The following STK38 variants were observed in gnomAD, a reference collection of about 807,000 sequenced individuals.
STK38 encodes serine/threonine kinase 38.
Under a neutral mutation model 59.0 loss-of-function variants are expected in STK38, and 26 were observed. The observed-to-expected ratio is 0.44, with a 90% CI of 0.32 to 0.61. The LOEUF (loss-of-function observed/expected upper bound fraction) is 0.61. Among genes scored for constraint, STK38 ranks in the 20% least tolerant of loss-of-function variants. The pLI is 0.04. For missense variants in STK38, 433 were observed against 566.0 expected (o/e 0.76, Z 2.38); for synonymous variants, 175 against 176.6 (o/e 0.99, Z 0.07).
chr6:36,530,335 C>G (rs1777635512), intron 2 of STK38, among the ~76,000 whole-genome samples: 1 of 151,870 alleles, frequency 6.6e-6, no homozygotes, highest in African/African-American at 2.4e-5. Flanking sequence ...GTGATTACAT[C>G]TCCATGATTA....
intron 7 of STK38, 58 bp downstream of exon 7, chr6:36,515,280 A>C: frequency 6.3e-7 from 1 of 1,576,576 alleles, no homozygotes; most frequent in Non-Finnish European, 8.6e-7. Flanking sequence ...CAGGTGTTAA[A>C]GCAGAGGCTG....
Position 36,495,398 on chromosome 6 carries a change from TCACA to T in STK38, c.*382_*385del. On this transcript the variant is annotated 3_prime_UTR_variant, in exon 14 of 14. Transcript: ENST00000229812. ...CTTGGTGGGCTTGGCAGAGAGCGTG[TCACA>T]AAATTACAGGAACTGGCTGATATTC... 3 of 178,430 alleles carry T rather than the reference TCACA, an allele frequency of 1.7e-5. No homozygotes were observed. The highest frequency in any genetic ancestry group is 5.7e-5 in the Admixed American group (1 of 17,620). 11.1% of individuals were successfully genotyped at this position (178,430 alleles called of 1,614,324 possible). A position where few individuals can be genotyped will look rare whatever the true frequency, so the allele number is the denominator to read the frequency against.
chr6:36,505,353 CAAGG>C (rs1003206293), intron 9 of STK38, among the ~76,000 whole-genome samples: 1 of 152,178 alleles, frequency 6.6e-6, no homozygotes, highest in Non-Finnish European at 1.5e-5. Flanking sequence ...GCAGAGTTCC[CAAGG>C]AAGGGAGACT....
chr6:36,541,044 G>A (rs898834009), intron 1 of STK38, among the ~76,000 whole-genome samples: 5 of 151,692 alleles, frequency 3.3e-5, no homozygotes, highest in East Asian at 1.9e-4. Context: ...GACTACAGGC[G>A]CCCACCAATA....
chr6:36,520,052 A>G (rs1017896526), intron 5 of STK38, among the ~76,000 whole-genome samples: 8 of 152,202 alleles, frequency 5.3e-5, no homozygotes, highest in African/African-American at 1.9e-4. Flanking sequence ...ATGAATTTGC[A>G]CTGGTCTACT....
intron 4 of STK38, among the ~76,000 whole-genome samples, chr6:36,523,445 T>G (rs1039510261): frequency 6.6e-6 from 1 of 151,828 alleles, no homozygotes; most frequent in African/African-American, 2.4e-5. Context: ...CTATTTTTAG[T>G]AGAGACAAGG....
At chr6:36,499,775 A>G in intron 10 of STK38, 98 bp downstream of exon 10, 1 of 965,574 alleles carries the variant, frequency 1.0e-6, no homozygotes, top group Non-Finnish European at 1.7e-6. Flanking sequence ...CAAGTAGGGA[A>G]ATCACTTAGA....
At chr6:36,509,675 A>G (rs1162079314) in intron 7 of STK38, among the ~76,000 whole-genome samples, 1 of 152,084 alleles carries the variant, frequency 6.6e-6, no homozygotes, top group Non-Finnish European at 1.5e-5. Context: ...TTGTCATTAA[A>G]TCTGTACTAA....
chr6:36,495,980 G>A, intron 13 of STK38, 66 bp from the exon 14 acceptor site: 4 of 1,580,300 alleles, frequency 2.5e-6, no homozygotes, highest in Non-Finnish European at 3.5e-6. Context: ...TCACGGTGCT[G>A]AAGACAGGAC....
In STK38 at chr6:36,547,368, A is replaced by G. The variant is rs1481599638; in HGVS notation, c.-184T>C. On this transcript the variant is annotated 5_prime_UTR_variant, in exon 1 of 14. Coordinates refer to ENST00000229812, the MANE Select transcript of STK38 (RefSeq NM_007271.4). ...CAACAGGCGGTTACGGGTGAGGACAACAGGAAGCGTTCCAACTGCCGGAAA... is the reference window on the plus strand; with the variant it reads ...CAACAGGCGGTTACGGGTGAGGACAGCAGGAAGCGTTCCAACTGCCGGAAA... 1 of 152,398 alleles carries G rather than the reference A, an allele frequency of 6.6e-6. No individual in the cohort carries two copies. Among genetic ancestry groups the G allele is most frequent in the Non-Finnish European group, 1.5e-5 (1 of 68,148 alleles). The allele number at this position is 152,398 out of a possible 1,614,324, so 9.4% of individuals were successfully genotyped here.
intron 2 of STK38, among the ~76,000 whole-genome samples, chr6:36,535,898 A>G (rs568860831): frequency 1.3e-5 from 2 of 151,852 alleles, no homozygotes; most frequent in South Asian, 4.2e-4. Context: ...AAAAAGCAAC[A>G]TAATTCCATT....
At chr6:36,496,918 G>T in intron 12 of STK38, 113 bp from the exon 13 acceptor site, 2 of 663,626 alleles carry the variant, frequency 3.0e-6, no homozygotes, top group African/African-American at 1.9e-5. Flanking sequence ...CTCTTCACTG[G>T]CAGGCAGCAT....
chr6:36,540,285 G>A, intron 1 of STK38, 78 bp from the exon 2 acceptor site: 1 of 1,466,230 alleles, frequency 6.8e-7, no homozygotes. Flanking sequence ...CCTATTGGTA[G>A]GAATGTAAAT....
intron 2 of STK38, among the ~76,000 whole-genome samples, chr6:36,536,866 G>T (rs1777805112): frequency 6.6e-6 from 1 of 150,852 alleles, no homozygotes. Context: ...TTTTAAAGAA[G>T]AAAGGTTTTT....
intron 1 of STK38, among the ~76,000 whole-genome samples, chr6:36,545,289 G>GAAAAAAAAAAA (rs58104312): frequency 1.7e-5 from 1 of 60,522 alleles, no homozygotes. Flanking sequence ...ACTCCGTCTG[G>GAAAAAAAAAAA]AAAAAAAAAA....
Position 36,519,911 on chromosome 6 carries a change from C to T in STK38, c.390+1823G>A, listed in dbSNP as rs145187111. Among the ~76,000 whole-genome samples, 939 of 152,188 alleles carry T rather than the reference C, an allele frequency of 6.2e-3. 10 individuals carry two copies. The highest frequency in any genetic ancestry group is 0.022 in the African/African-American group (901 of 41,528). ...TTCCAGGTAGCAAAAATTTCCACCA[C>T]GTGGAGCAGAAAAATAACCTGAACT... On this transcript the variant is annotated intron_variant, in intron 5 of 13. Transcript: ENST00000229812.
At chr6:36,505,607 G>A (rs1413491542) in intron 9 of STK38, among the ~76,000 whole-genome samples, 1 of 152,152 alleles carries the variant, frequency 6.6e-6, no homozygotes, top group African/African-American at 2.4e-5. Context: ...TAGGAATTCT[G>A]ACTGAAACAC....
chr6:36,523,170 T>A (rs1364480775), intron 4 of STK38, among the ~76,000 whole-genome samples: 1 of 151,958 alleles, frequency 6.6e-6, no homozygotes, highest in Non-Finnish European at 1.5e-5. Flanking sequence ...TTTCCCTCTT[T>A]CAAGAAGCCA....
rs959064996 is a variant in STK38 at position 36,498,431 on chromosome 6, G to A, written c.1008C>T (p.Asn336=). ...GAGGAAAAGTCAAAGTTTCTTTCCA[G>A]TTCATCACCTTCTTATATGTCTCTT... ...TPQETYKKVM[N]WKETLTFPPE... Residue 336 remains asparagine (N), a synonymous_variant, in exon 11 of 14, where the codon AAC becomes AAT. Coordinates refer to ENST00000229812, the MANE Select transcript of STK38 (RefSeq NM_007271.4). 71 of 1,613,804 alleles carry A rather than the reference G, an allele frequency of 4.4e-5. No individual in the cohort carries two copies. The highest frequency in any genetic ancestry group is 5.9e-5 in the Non-Finnish European group (70 of 1,179,962).
Sources: gnomAD v4.1 joint callset for allele counts (sites outside exome capture counted in the v4.1 genomes callset) on GRCh38, gnomAD v4.1.1 for gene constraint, MANE v1.5 for transcripts, NCBI Gene and HGNC (gene_info 2026-07-23, HGNC 2026-07-21) for gene names.